Variants in UCN3 observed in about 807,000 individuals in gnomAD.
The protein encoded by UCN3 is urocortin-3.
Under a neutral mutation model 3.6 loss-of-function variants are expected in UCN3, and 3 were observed. The observed-to-expected ratio is 0.83, with a 90% CI of 0.38 to 2.15. The LOEUF (loss-of-function observed/expected upper bound fraction) is 2.15, where lower values mean the gene tolerates loss of function less well. Ranked by LOEUF, UCN3 falls within the 30% of genes most tolerant of loss-of-function variation. UCN3 has a pLI of 0.06. For synonymous variants in UCN3, 100 were observed against 93.2 expected, an observed-to-expected ratio of 1.07 and a Z score of -0.42; for missense variants, 206 against 208.3, an observed-to-expected ratio of 0.99 and a Z score of 0.07.
chr10:5,374,059 G>C lies in UCN3; in HGVS notation c.339G>C (p.Lys113Asn). 6.2e-7 allele frequency: 1 copy of C among 1,613,388 alleles called. No homozygotes were observed. Among genetic ancestry groups the C allele is most frequent in the Non-Finnish European group, 8.5e-7 (1 of 1,179,726 alleles). ...PRGKPRQDTAKSPHRTKFTLS... is the reference protein window; with the variant it reads ...PRGKPRQDTANSPHRTKFTLS... The stretch of plus-strand genomic sequence containing the variant: ...GAAAGCCACGCCAGGACACGGCCAA[G>C]AGTCCCCACCGCACCAAGTTCACCC... Residue 113 changes from lysine (K) to asparagine (N), a missense_variant, in exon 2 of 2, where the codon AAG becomes AAC. Lys to Asn is a moderately conservative substitution (Grantham distance 94). Coordinates refer to ENST00000380433, the MANE Select transcript of UCN3 (RefSeq NM_053049.4).
chr10:5,371,513 G>T (rs894204044), intron 1 of UCN3, among the ~76,000 whole-genome samples: 3 of 152,088 alleles, frequency 2.0e-5, no homozygotes, highest in Non-Finnish European at 4.4e-5. Flanking sequence ...AGAGACCCAG[G>T]CTCCCTTTGC....
At position 5,374,432 on chromosome 10, in the gene UCN3, A is replaced by C; in HGVS notation, c.*226A>C. ...ACACACAGAAGTGCAGTATTGTCCAACCTTCCCAGACACAAAGCAGCTAAC... is the reference window on the plus strand; with the variant it reads ...ACACACAGAAGTGCAGTATTGTCCACCCTTCCCAGACACAAAGCAGCTAAC... On this transcript the variant is annotated 3_prime_UTR_variant, in exon 2 of 2. Transcript: ENST00000380433. 1 of 525,986 alleles carries C rather than the reference A, an allele frequency of 1.9e-6. No individual in the cohort carries two copies. The highest frequency in any genetic ancestry group is 3.4e-6 in the Non-Finnish European group (1 of 293,814). 32.6% of individuals were successfully genotyped at this position (525,986 alleles called of 1,614,324 possible). A position where few individuals can be genotyped will look rare whatever the true frequency, so the allele number is the denominator to read the frequency against.
chr10:5,370,407 A>ATGTGTGTG (rs1831361558), intron 1 of UCN3, among the ~76,000 whole-genome samples: 4 of 26,536 alleles, frequency 1.5e-4, no homozygotes, highest in African/African-American at 6.6e-4. Flanking sequence ...ATGTGTGTGT[A>ATGTGTGTG]TATGTGTGTG....
chr10:5,370,017 ATATG>A (rs1330559446), intron 1 of UCN3, among the ~76,000 whole-genome samples: 4 of 58,888 alleles, frequency 6.8e-5, no homozygotes, highest in South Asian at 6.2e-4. Flanking sequence ...ATGTGTGTGT[ATATG>A]TGTGTGTATA....
In UCN3 at chr10:5,374,234, G is replaced by T; in HGVS notation, c.*28G>T. ...GCGGAGGCTGGACGGGAGGGCAGCG[G>T]GGTGGGGAGGGGGAGGGGAGGGGGA... On this transcript the variant is annotated 3_prime_UTR_variant, in exon 2 of 2. Coordinates refer to ENST00000380433, the MANE Select transcript of UCN3 (RefSeq NM_053049.4). The T allele has an allele frequency of 1.2e-6, 1 of 863,926 alleles. No homozygotes were observed. The highest frequency in any genetic ancestry group is 1.8e-6 in the Non-Finnish European group (1 of 570,366). The allele number at this position is 863,926 out of a possible 1,614,324, so 53.5% of individuals were successfully genotyped here.
In UCN3 at chr10:5,370,342, C is replaced by CGTGTGTAT. The variant is rs1464461998; in HGVS notation, c.-6-3372_-6-3365dup. 1.8e-3 allele frequency among the ~76,000 whole-genome samples: 19 copies of CGTGTGTAT among 10,780 alleles called. 2 individuals carry two copies. The highest frequency in any genetic ancestry group is 1.5e-3 in the Non-Finnish European group (10 of 6,618). 7.1% of individuals were successfully genotyped at this position (10,780 alleles called of 152,430 possible). A position where few individuals can be genotyped will look rare whatever the true frequency, so the allele number is the denominator to read the frequency against. ...GTGTGTGTATATGCGTGTGTATATGCGTGTGTATATGTGTGTGTATATGCG... is the reference window on the plus strand; with the variant it reads ...GTGTGTGTATATGCGTGTGTATATGCGTGTGTATGTGTGTATATGTGTGTGTATATGCG... On this transcript the variant is annotated intron_variant, in intron 1 of 1. Coordinates refer to ENST00000380433, the MANE Select transcript of UCN3 (RefSeq NM_053049.4).
At chr10:5,372,817 A>T (rs1263111825) in intron 1 of UCN3, among the ~76,000 whole-genome samples, 3 of 149,730 alleles carry the variant, frequency 2.0e-5, no homozygotes, top group African/African-American at 7.4e-5. Flanking sequence ...GGCATCCCAC[A>T]GTGCTGGGAT....
Position 5,366,681 on chromosome 10 carries a change from C to A in UCN3, c.-7+1451C>A, listed in dbSNP as rs1834120754. Among the ~76,000 whole-genome samples, 1 of 152,220 alleles carries A rather than the reference C, an allele frequency of 6.6e-6. No homozygotes were observed. The highest frequency in any genetic ancestry group is 2.4e-5 in the African/African-American group (1 of 41,456). On this transcript the variant is annotated intron_variant, in intron 1 of 1. Transcript: ENST00000380433. The surrounding 1 kb of genome is among the most constrained non-coding windows in gnomAD (Gnocchi z 4.2). ...TGAAACCATCCAGGGTTGCAAAGAA[C>A]CCTTACATTTTAAACGATCTAAAAC...
intron 1 of UCN3, among the ~76,000 whole-genome samples, chr10:5,368,882 G>C (rs1588398464): frequency 6.6e-6 from 1 of 152,178 alleles, no homozygotes; most frequent in African/African-American, 2.4e-5. Context: ...CCGGGGTACA[G>C]CTCTAAGGAG....
At chr10:5,369,875 ATGTGTGTGTATATGTGTGTGTGTATATG>A (rs782275674) in intron 1 of UCN3, among the ~76,000 whole-genome samples, 1 of 84,366 alleles carries the variant, frequency 1.2e-5, no homozygotes, top group Non-Finnish European at 2.3e-5. Flanking sequence ...GTGTGTGTAT[ATGTGTGTGTATATGTGTGTGTGTATATG>A]TGTGTGTGTA....
chr10:5,372,924 G>A (rs1324269371), intron 1 of UCN3, among the ~76,000 whole-genome samples: 1 of 151,724 alleles, frequency 6.6e-6, no homozygotes, highest in Non-Finnish European at 1.5e-5. Context: ...CATCCTTTCC[G>A]AGCTCTCAGT....
chr10:5,372,953 A>G (rs530615875), intron 1 of UCN3, among the ~76,000 whole-genome samples: 20 of 152,048 alleles, frequency 1.3e-4, no homozygotes, highest in African/African-American at 4.8e-4. Flanking sequence ...CTTGCCCTGG[A>G]CAATCACCCT....
chr10:5,370,856 T>TATGC (rs1554811420), intron 1 of UCN3, among the ~76,000 whole-genome samples: 7 of 135,836 alleles, frequency 5.2e-5, no homozygotes, highest in African/African-American at 2.1e-4. Flanking sequence ...TGTGCGCGTG[T>TATGC]GTGTGCGTGT....
Position 5,366,456 on chromosome 10 carries a change from A to T in UCN3, c.-7+1226A>T, listed in dbSNP as rs537443856. Among the ~76,000 whole-genome samples, 4 of 152,360 alleles carry T rather than the reference A, an allele frequency of 2.6e-5. No individual in the cohort carries two copies. Among genetic ancestry groups the T allele is most frequent in the Admixed American group, 2.6e-4 (4 of 15,310 alleles). The stretch of plus-strand genomic sequence containing the variant: ...TGTTTCACCAAGAATATGGCAGAAG[A>T]GTCCAAGGAATGTAAAAGGAGAAAC... On this transcript the variant is annotated intron_variant, in intron 1 of 1. Coordinates refer to ENST00000380433, the MANE Select transcript of UCN3 (RefSeq NM_053049.4). The surrounding 1 kb of genome is among the most constrained non-coding windows in gnomAD (Gnocchi z 4.2).
At position 5,370,920 on chromosome 10, in the gene UCN3, C is replaced by CGTGTGTATATGT. The variant is rs1228555166; in HGVS notation, c.-6-2790_-6-2779dup. 4.9e-3 allele frequency among the ~76,000 whole-genome samples: 538 copies of CGTGTGTATATGT among 109,780 alleles called. 14 individuals are homozygous for CGTGTGTATATGT. The highest frequency in any genetic ancestry group is 0.014 in the East Asian group (45 of 3,242). 72.0% of individuals were successfully genotyped at this position (109,780 alleles called of 152,430 possible). A position where few individuals can be genotyped will look rare whatever the true frequency, so the allele number is the denominator to read the frequency against. On this transcript the variant is annotated intron_variant, in intron 1 of 1. Transcript: ENST00000380433. ...GCGTGTGTATATGCGTGTGTATATGCGTGTGTATATGTGTGTTCATGTGTA... is the reference window on the plus strand; with the variant it reads ...GCGTGTGTATATGCGTGTGTATATGCGTGTGTATATGTGTGTGTATATGTGTGTTCATGTGTA...
At position 5,370,766 on chromosome 10, in the gene UCN3, C is replaced by T. The variant is rs797026715; in HGVS notation, c.-6-2949C>T. Among the ~76,000 whole-genome samples the T allele has an allele frequency of 3.3e-3, 247 of 75,514 alleles. 31 individuals carry two copies. Among genetic ancestry groups the T allele is most frequent in the African/African-American group, 0.013 (226 of 17,000 alleles). The allele number at this position is 75,514 out of a possible 152,430, so 49.5% of individuals were successfully genotyped here. On this transcript the variant is annotated intron_variant, in intron 1 of 1. Transcript: ENST00000380433. ...TGTGTATATGATGTGTGTGTATATGCGTGTGTATATGCGTGTGTGTGTGTA... is the reference window on the plus strand; with the variant it reads ...TGTGTATATGATGTGTGTGTATATGTGTGTGTATATGCGTGTGTGTGTGTA...
intron 1 of UCN3, among the ~76,000 whole-genome samples, chr10:5,371,414 G>A (rs1221822841): frequency 6.7e-6 from 1 of 149,112 alleles, no homozygotes; most frequent in Non-Finnish European, 1.5e-5. Context: ...GTTTGTATGT[G>A]TGCTTGTCTA....
At position 5,374,683 on chromosome 10, in the gene UCN3, G is replaced by C. The variant is rs1405730416; in HGVS notation, c.*477G>C. The C allele has an allele frequency of 6.4e-6, 1 of 155,718 alleles. No homozygotes were observed. Among genetic ancestry groups the C allele is most frequent in the East Asian group, 1.9e-4 (1 of 5,228 alleles). 9.6% of individuals were successfully genotyped at this position (155,718 alleles called of 1,614,324 possible). A position where few individuals can be genotyped will look rare whatever the true frequency, so the allele number is the denominator to read the frequency against. On this transcript the variant is annotated 3_prime_UTR_variant, in exon 2 of 2. Coordinates refer to ENST00000380433, the MANE Select transcript of UCN3 (RefSeq NM_053049.4). ...ACCTCCTCACCCCATTAAAACAATG[G>C]CTTCTTCAACTCCTGGCTTGTCTCA...
In UCN3 at chr10:5,371,412, GTGTGCTTGTCTA is replaced by G. The variant is rs371849319; in HGVS notation, c.-6-2299_-6-2288del. Among the ~76,000 whole-genome samples the G allele has an allele frequency of 9.8e-3, 1,491 of 152,158 alleles. 29 individuals carry two copies. The highest frequency in any genetic ancestry group is 0.034 in the African/African-American group (1,425 of 41,452). ...TATGTGTATGTGTACCTGTTTGTAT[GTGTGCTTGTCTA>G]TGTTCCTGTGCGTCCTGTGTGTGTG... On this transcript the variant is annotated intron_variant, in intron 1 of 1. Coordinates refer to ENST00000380433, the MANE Select transcript of UCN3 (RefSeq NM_053049.4).
Sources: gnomAD v4.1 joint callset for allele counts (sites outside exome capture counted in the v4.1 genomes callset) on GRCh38, gnomAD v4.1.1 for gene constraint, Gnocchi (gnomAD v3.1) non-coding constraint, MANE v1.5 for transcripts, NCBI Gene and HGNC (gene_info 2026-07-23, HGNC 2026-07-21) for gene names.